RASGEF1A: variants seen among roughly 807,000 people sequenced by gnomAD.
RASGEF1A encodes the protein RasGEF domain family member 1A.
Under a neutral mutation model 56.4 loss-of-function variants are expected in RASGEF1A, and 18 were observed. The ratio of observed to expected loss-of-function variants is 0.32; its 90% CI spans 0.22 to 0.47. The LOEUF is 0.47. RASGEF1A is among the 20% of genes least tolerant of loss of function. The probability of loss-of-function intolerance (pLI) is 1.00; values close to 1 mark genes in which losing one functional copy is unlikely to be tolerated. For missense variants in RASGEF1A, 422 were observed against 627.1 expected, an observed-to-expected ratio of 0.67 and a Z score of 3.49; for synonymous variants, 245 against 242.6, an observed-to-expected ratio of 1.01 and a Z score of -0.09.
Position 43,247,023 on chromosome 10 carries a change from G to A in RASGEF1A, c.-7+19822C>T, listed in dbSNP as rs188779008. On this transcript the variant is annotated intron_variant, in intron 1 of 12. Coordinates refer to ENST00000395810, the MANE Select transcript of RASGEF1A (RefSeq NM_145313.4). ...GAGAAAATATTTGCATGCCATATAT[G>A]TTATAGGGTCTAGTATCCAGAATAT... 7.9e-5 allele frequency among the ~76,000 whole-genome samples: 12 copies of A among 152,318 alleles called. No individual in the cohort carries two copies. In the East Asian group the frequency reaches 2.1e-3, roughly 27 times the overall value.
intron 1 of RASGEF1A, among the ~76,000 whole-genome samples, chr10:43,243,006 G>A (rs1840521177): frequency 6.6e-6 from 1 of 151,780 alleles, no homozygotes; most frequent in African/African-American, 2.4e-5. Flanking sequence ...TCTGGGATGT[G>A]AGGAGCCCCT....
At chr10:43,231,190 G>A (rs1021510619) in intron 1 of RASGEF1A, among the ~76,000 whole-genome samples, 3 of 152,390 alleles carry the variant, frequency 2.0e-5, no homozygotes, top group East Asian at 3.9e-4. Context: ...CAGAAGATGC[G>A]AAGCTCATGG....
chr10:43,229,692 G>A (rs1174631542), intron 1 of RASGEF1A: 1 of 1,443,580 alleles, frequency 6.9e-7, no homozygotes, highest in Non-Finnish European at 9.1e-7. Context: ...TGCCCGGTCC[G>A]GCGTCCAGCG....
intron 1 of RASGEF1A, among the ~76,000 whole-genome samples, chr10:43,221,259 T>G (rs4987091): frequency 0.19 from 29,151 of 152,170 alleles, 2,986 homozygotes; most frequent in Admixed American, 0.25. Flanking sequence ...TTTGCATGAT[T>G]GTTGGGGTGT....
intron 10 of RASGEF1A, among the ~76,000 whole-genome samples, chr10:43,197,781 T>C (rs1839823632): frequency 6.6e-6 from 1 of 152,178 alleles, no homozygotes; most frequent in Admixed American, 6.5e-5. Context: ...GACTCCAAGC[T>C]CTGCAACTAG....
Position 43,196,957 on chromosome 10 carries a change from G to T in RASGEF1A, c.1348+19C>A, listed in dbSNP as rs142993027. On this transcript the variant is annotated intron_variant, in intron 11 of 12. Transcript: ENST00000395810. The surrounding 1 kb of genome is among the most constrained non-coding windows in gnomAD (Gnocchi z 4.6). ...TCAGGTGGGGTGGGAGGCATGCTGC[G>T]TTGGGAGGCAGCCCTCACCTTCCTC... The T allele has an allele frequency of 1.7e-4, 270 of 1,611,818 alleles. 1 individual carries two copies. The African/African-American group carries it at 3.1e-3, about 18-fold the overall frequency.
chr10:43,251,022 G>T (rs999529118), intron 1 of RASGEF1A, among the ~76,000 whole-genome samples: 1 of 152,228 alleles, frequency 6.6e-6, no homozygotes, highest in African/African-American at 2.4e-5. Context: ...AGGGGCCTGG[G>T]CCTTGCTCTA....
chr10:43,213,009 C>T (rs947003935), intron 1 of RASGEF1A, among the ~76,000 whole-genome samples: 3 of 152,330 alleles, frequency 2.0e-5, no homozygotes, highest in African/African-American at 4.8e-5. Flanking sequence ...GCAAGACCAA[C>T]GCTGCATGTT....
chr10:43,200,021 G>A (rs1227922650), intron 6 of RASGEF1A, among the ~76,000 whole-genome samples, 161 bp downstream of exon 6: 1 of 152,250 alleles, frequency 6.6e-6, no homozygotes, highest in Non-Finnish European at 1.5e-5. Flanking sequence ...GCCTCTTGAA[G>A]CAGGTGCTAG....
At chr10:43,227,139 T>A (rs1564536435) in intron 1 of RASGEF1A, among the ~76,000 whole-genome samples, 3 of 152,196 alleles carry the variant, frequency 2.0e-5, no homozygotes. Flanking sequence ...CTCCTTCCTC[T>A]GGTCACTCAC....
intron 1 of RASGEF1A, among the ~76,000 whole-genome samples, chr10:43,232,979 G>A (rs12765838): frequency 0.17 from 25,134 of 151,998 alleles, 2,343 homozygotes; most frequent in Admixed American, 0.24. Flanking sequence ...GGACCTCAAT[G>A]CTCCCTGCTC....
At chr10:43,264,737 CT>C (rs1373986934) in intron 1 of RASGEF1A, among the ~76,000 whole-genome samples, 1 of 151,962 alleles carries the variant, frequency 6.6e-6, no homozygotes. Context: ...TGCTATGCCC[CT>C]GGCACCTACC....
chr10:43,216,024 C>T (rs1308637840), intron 1 of RASGEF1A, among the ~76,000 whole-genome samples: 2 of 152,198 alleles, frequency 1.3e-5, no homozygotes, highest in Non-Finnish European at 2.9e-5. Flanking sequence ...CTCTGGCAAA[C>T]CCTCCCTGGG....
intron 1 of RASGEF1A, among the ~76,000 whole-genome samples, chr10:43,262,960 G>A (rs1013235872): frequency 6.6e-6 from 1 of 152,224 alleles, no homozygotes. Flanking sequence ...GAAGCTGGCA[G>A]AGGGGGTGAG....
intron 1 of RASGEF1A, among the ~76,000 whole-genome samples, chr10:43,218,930 C>T (rs988368265): frequency 2.2e-4 from 33 of 152,280 alleles, no homozygotes; most frequent in Non-Finnish European, 8.8e-5. Context: ...CTGGTCGTCT[C>T]CTCTTCACGC....
intron 1 of RASGEF1A, among the ~76,000 whole-genome samples, chr10:43,209,838 C>T (rs2133193200): frequency 6.6e-6 from 1 of 152,236 alleles, no homozygotes; most frequent in East Asian, 1.9e-4. Flanking sequence ...TGCATGGATG[C>T]TCTAAGGCCA....
chr10:43,247,679 T>C (rs1218072932), intron 1 of RASGEF1A, among the ~76,000 whole-genome samples: 1 of 152,138 alleles, frequency 6.6e-6, no homozygotes, highest in East Asian at 1.9e-4. Context: ...TATTCAAATA[T>C]CCAGAATAGG....
intron 3 of RASGEF1A, among the ~76,000 whole-genome samples, 176 bp downstream of exon 3, chr10:43,203,122 C>T (rs1839933864): frequency 1.3e-5 from 2 of 148,864 alleles, no homozygotes; most frequent in South Asian, 2.2e-4. Context: ...CTGACCCCAC[C>T]CCCTGGCCCC....
chr10:43,245,500 C>T (rs1397368876), intron 1 of RASGEF1A, among the ~76,000 whole-genome samples: 1 of 152,058 alleles, frequency 6.6e-6, no homozygotes, highest in African/African-American at 2.4e-5. Flanking sequence ...CAATATAAAC[C>T]ATCCATAAAT....
Sources: gnomAD v4.1 joint callset for allele counts (sites outside exome capture counted in the v4.1 genomes callset) on GRCh38, gnomAD v4.1.1 for gene constraint, Gnocchi (gnomAD v3.1) non-coding constraint, MANE v1.5 for transcripts, NCBI Gene and HGNC (gene_info 2026-07-23, HGNC 2026-07-21) for gene names.